Variants in PTPRN2 observed in about 807,000 individuals in gnomAD.
PTPRN2 encodes protein tyrosine phosphatase receptor type N2.
PTPRN2 carries 74 observed loss-of-function variants against 118.8 expected under a neutral mutation model. The ratio of observed to expected loss-of-function variants is 0.62; its 90% CI spans 0.52 to 0.76. PTPRN2 has a LOEUF of 0.76. Among genes scored for constraint, PTPRN2 ranks in the 30% least tolerant of loss-of-function variants. The pLI is 0.00. For missense variants in PTPRN2, 1,481 were observed against 1,394.4 expected (o/e 1.06, Z -0.99); for synonymous variants, 641 against 608.0 (o/e 1.05, Z -0.80).
At chr7:158,533,666 C>T (rs990330801) in intron 1 of PTPRN2, among the ~76,000 whole-genome samples, 4 of 152,230 alleles carry the variant, frequency 2.6e-5, no homozygotes, top group African/African-American at 9.6e-5. Context: ...GAAGCTCTAG[C>T]CTGAGGCACC....
At chr7:158,239,399 G>C (rs926714117) in intron 3 of PTPRN2, among the ~76,000 whole-genome samples, 1 of 152,146 alleles carries the variant, frequency 6.6e-6, no homozygotes, top group Non-Finnish European at 1.5e-5. Context: ...TTCCTGGGGC[G>C]CTTTGTTTCA....
At chr7:157,800,563 ATGT>A (rs1432750508) in intron 12 of PTPRN2, among the ~76,000 whole-genome samples, 1 of 152,210 alleles carries the variant, frequency 6.6e-6, no homozygotes, top group Non-Finnish European at 1.5e-5. Flanking sequence ...GTGGAAATAG[ATGT>A]TGTGTTTTCA....
intron 2 of PTPRN2, among the ~76,000 whole-genome samples, chr7:158,486,797 C>T (rs1821065146): frequency 1.3e-5 from 2 of 152,148 alleles, no homozygotes; most frequent in Admixed American, 1.3e-4. Context: ...TTAAAATTTA[C>T]CATCTTAGCC....
At chr7:158,342,033 C>T (rs373102013) in intron 2 of PTPRN2, among the ~76,000 whole-genome samples, 20 of 148,782 alleles carry the variant, frequency 1.3e-4, no homozygotes, top group Non-Finnish European at 2.5e-4. Context: ...ACACTCTCAC[C>T]ATAAGAGCTG....
At chr7:157,567,559 A>T (rs1437863782) in intron 21 of PTPRN2, among the ~76,000 whole-genome samples, 1 of 152,074 alleles carries the variant, frequency 6.6e-6, no homozygotes, top group Non-Finnish European at 1.5e-5. Flanking sequence ...CCAGAAGAAA[A>T]TGAAGTAAGG....
chr7:158,178,209 A>C (rs1476457501), intron 5 of PTPRN2, among the ~76,000 whole-genome samples: 2 of 152,158 alleles, frequency 1.3e-5, no homozygotes, highest in Admixed American at 1.3e-4. Context: ...CCATTTTTTA[A>C]ATTTCAAAAG....
chr7:157,830,281 TA>T (rs1352777260), intron 12 of PTPRN2, among the ~76,000 whole-genome samples: 1 of 152,156 alleles, frequency 6.6e-6, no homozygotes, highest in African/African-American at 2.4e-5. Context: ...ACTCAGCCCT[TA>T]AAAAGAGGCA....
At chr7:157,842,505 C>T (rs1381658188) in intron 12 of PTPRN2, among the ~76,000 whole-genome samples, 10 of 151,396 alleles carry the variant, frequency 6.6e-5, no homozygotes, top group Admixed American at 6.6e-4. Flanking sequence ...ACCTCCACCT[C>T]CCGTATTCAA....
At chr7:158,573,118 T>C (rs570819272) in intron 1 of PTPRN2, among the ~76,000 whole-genome samples, 390 of 152,314 alleles carry the variant, frequency 2.6e-3, no homozygotes, top group African/African-American at 9.0e-3. Context: ...TCTTCCCTCA[T>C]TTTACTTTTA....
At chr7:158,275,474 C>T (rs1359061246) in intron 3 of PTPRN2, among the ~76,000 whole-genome samples, 1 of 152,124 alleles carries the variant, frequency 6.6e-6, no homozygotes, top group African/African-American at 2.4e-5. Context: ...AACAAAGCAG[C>T]CAACAATAAA....
At chr7:158,483,778 T>C (rs1223358320) in intron 2 of PTPRN2, among the ~76,000 whole-genome samples, 1 of 152,198 alleles carries the variant, frequency 6.6e-6, no homozygotes, top group Non-Finnish European at 1.5e-5. Context: ...TCAGTTCTTT[T>C]TTCTTTCTTT....
chr7:157,870,781 A>AGCTGCATGGCCTCGTGCCAGCC (rs1272027770), intron 12 of PTPRN2, among the ~76,000 whole-genome samples: 2 of 152,216 alleles, frequency 1.3e-5, no homozygotes, highest in African/African-American at 4.8e-5. Flanking sequence ...TGGGGCCAGG[A>AGCTGCATGGCCTCGTGCCAGCC]GCTGCATGGC....
At chr7:158,129,766 C>T (rs111915907) in intron 9 of PTPRN2, among the ~76,000 whole-genome samples, 2,847 of 152,274 alleles carry the variant, frequency 0.019, 72 homozygotes, top group African/African-American at 0.058. Context: ...GGTGCAGACA[C>T]GCAGCCTCAG....
At chr7:158,123,027 G>A (rs1247033594) in intron 9 of PTPRN2, among the ~76,000 whole-genome samples, 2 of 152,158 alleles carry the variant, frequency 1.3e-5, no homozygotes, top group Non-Finnish European at 2.9e-5. Flanking sequence ...CCCGATCTGG[G>A]ACATTTTACT....
rs1466772294 is a variant in PTPRN2 at position 158,546,683 on chromosome 7, T to C, written c.112+40875A>G. Among the ~76,000 whole-genome samples, 1 of 152,160 alleles carries C rather than the reference T, an allele frequency of 6.6e-6. No homozygotes were observed. Among genetic ancestry groups the C allele is most frequent in the Non-Finnish European group, 1.5e-5 (1 of 68,018 alleles). The stretch of plus-strand genomic sequence containing the variant: ...GACTACAGAGGTGCTCTGAGGGTCT[T>C]AGGCAGAGCTGGCCATGCTTGCCTT... On this transcript the variant is annotated intron_variant, in intron 1 of 22. Coordinates refer to ENST00000389418, the MANE Select transcript of PTPRN2 (RefSeq NM_002847.5). This position sits in a 1 kb window ranked among gnomAD's most constrained non-coding sequence, Gnocchi z 5.0.
intron 1 of PTPRN2, among the ~76,000 whole-genome samples, chr7:158,540,044 C>G (rs1008201136): frequency 6.6e-6 from 1 of 152,192 alleles, no homozygotes; most frequent in Admixed American, 6.5e-5. Context: ...GAGCCTGGAG[C>G]TGGGACTGGC....
intron 12 of PTPRN2, among the ~76,000 whole-genome samples, chr7:157,683,922 C>T (rs1337870524): frequency 6.6e-6 from 1 of 152,180 alleles, no homozygotes; most frequent in East Asian, 1.9e-4. Context: ...GAACAATTAG[C>T]AAACCCCTTT....
intron 15 of PTPRN2, among the ~76,000 whole-genome samples, chr7:157,607,348 G>A (rs1250514151): frequency 2.6e-5 from 4 of 152,362 alleles, no homozygotes; most frequent in East Asian, 1.9e-4. Context: ...CACACAGAGC[G>A]TGGGAATAAA....
At chr7:158,308,805 A>G (rs1278400230) in intron 3 of PTPRN2, among the ~76,000 whole-genome samples, 1 of 152,170 alleles carries the variant, frequency 6.6e-6, no homozygotes, top group Non-Finnish European at 1.5e-5. Context: ...TACTGATCTT[A>G]CAGACATAAA....
Sources: gnomAD v4.1 joint callset for allele counts (sites outside exome capture counted in the v4.1 genomes callset) on GRCh38, gnomAD v4.1.1 for gene constraint, Gnocchi (gnomAD v3.1) non-coding constraint, MANE v1.5 for transcripts, NCBI Gene and HGNC (gene_info 2026-07-23, HGNC 2026-07-21) for gene names.